The following FOXJ3 variants were observed in gnomAD, a reference collection of about 807,000 sequenced individuals.
The protein encoded by FOXJ3 is forkhead box J3.
In FOXJ3, 22 loss-of-function variants were observed where a neutral mutation model predicts 76.1. That is an observed-to-expected ratio of 0.29 (90% confidence interval 0.21 to 0.41). The LOEUF (loss-of-function observed/expected upper bound fraction) is 0.41, where lower values mean the gene tolerates loss of function less well. Among genes scored for constraint, FOXJ3 ranks in the 10% least tolerant of loss-of-function variants. FOXJ3 has a pLI of 1.00. For missense variants in FOXJ3, 613 were observed against 762.1 expected (o/e 0.80, Z 2.30); for synonymous variants, 269 against 261.2 (o/e 1.03, Z -0.29).
chr1:42,282,729 A>C (rs1652807938), intron 2 of FOXJ3, among the ~76,000 whole-genome samples: 1 of 152,132 alleles, frequency 6.6e-6, no homozygotes, highest in African/African-American at 2.4e-5. Context: ...CTTCTACTTC[A>C]AGACCAAACA....
chr1:42,235,029 C>G (rs1345299951), intron 4 of FOXJ3, among the ~76,000 whole-genome samples: 1 of 152,180 alleles, frequency 6.6e-6, no homozygotes, highest in Non-Finnish European at 1.5e-5. Context: ...GGCAGGCCTC[C>G]TTGAGCTGTG....
chr1:42,266,767 C>G lies in FOXJ3; in HGVS notation c.370-1578G>C, dbSNP rs540659203. The stretch of plus-strand genomic sequence containing the variant: ...CAGGCAGTGAGGAGACAAAGCCCAC[C>G]AACCTTCCATAGATTTTACAAAGCA... On this transcript the variant is annotated intron_variant, in intron 3 of 12. Coordinates refer to ENST00000361346, the MANE Select transcript of FOXJ3 (RefSeq NM_014947.5). Among the ~76,000 whole-genome samples, 6 of 152,176 alleles carry G rather than the reference C, an allele frequency of 3.9e-5. No individual in the cohort carries two copies. The East Asian group carries it at 1.2e-3, about 29-fold the overall frequency.
chr1:42,325,294 A>C (rs1655762847), intron 1 of FOXJ3, among the ~76,000 whole-genome samples: 1 of 152,228 alleles, frequency 6.6e-6, no homozygotes, highest in Admixed American at 6.5e-5. Context: ...ATAACTATGA[A>C]GCCATCAGCT....
chr1:42,256,046 T>A (rs1650564541), intron 4 of FOXJ3, among the ~76,000 whole-genome samples: 1 of 152,058 alleles, frequency 6.6e-6, no homozygotes, highest in South Asian at 2.1e-4. Context: ...AAGAAGAACA[T>A]TTCATAAAGA....
At chr1:42,295,535 T>C (rs1270761411) in intron 2 of FOXJ3, among the ~76,000 whole-genome samples, 1 of 144,242 alleles carries the variant, frequency 6.9e-6, no homozygotes, top group Non-Finnish European at 1.5e-5. Context: ...TTTTTTTTTT[T>C]TTTTTTTTGG....
intron 5 of FOXJ3, among the ~76,000 whole-genome samples, chr1:42,218,134 T>A (rs1369616054): frequency 2.0e-5 from 3 of 152,202 alleles, no homozygotes; most frequent in Non-Finnish European, 2.9e-5. Flanking sequence ...CTGTGCTCAC[T>A]TACACCCTTT....
At chr1:42,237,409 T>C (rs772478598) in intron 4 of FOXJ3, among the ~76,000 whole-genome samples, 429 of 19,584 alleles carry the variant, frequency 0.022, 4 homozygotes, top group African/African-American at 0.037. Context: ...TACATACATA[T>C]ATATATATAT....
chr1:42,205,931 G>A, intron 5 of FOXJ3, 68 bp from the exon 6 acceptor site: 1 of 843,078 alleles, frequency 1.2e-6, no homozygotes, highest in Non-Finnish European at 1.9e-6. Context: ...CAGTTTGAAG[G>A]GATCTCATCA....
chr1:42,240,916 A>G (rs661773), intron 4 of FOXJ3, among the ~76,000 whole-genome samples: 115,032 of 152,148 alleles, frequency 0.76, 43,559 homozygotes, highest in Admixed American at 0.81. Flanking sequence ...AACAGATCTG[A>G]TACTTGGCAC....
chr1:42,227,762 T>C, intron 5 of FOXJ3, 121 bp downstream of exon 5: 1 of 479,262 alleles, frequency 2.1e-6, no homozygotes, highest in Non-Finnish European at 3.7e-6. Flanking sequence ...TGTAAAATGC[T>C]ACACAAATAA....
chr1:42,311,081 C>T lies in FOXJ3; in HGVS notation c.13G>A (p.Gly5Arg), dbSNP rs1156295705. 2.5e-6 allele frequency: 4 copies of T among 1,596,980 alleles called. No homozygotes were observed. The highest frequency in any genetic ancestry group is 3.4e-6 in the Non-Finnish European group (4 of 1,174,634). ...GAAGTTACAGATGGACAAGCCTGTC[C>T]ATACAAACCCATCTGGCCACAAAGA... MGLY[G>R]QACPSVTSLR... Residue 5 changes from glycine to arginine, a missense_variant, in exon 2 of 13, where the codon GGA (glycine) becomes AGA (arginine). Gly to Arg is a moderately radical substitution (Grantham distance 125). This residue lies in a region of FOXJ3 where 77 missense variants were observed against 115.1 expected (regional missense o/e 0.67). Coordinates refer to ENST00000361346, the MANE Select transcript of FOXJ3 (RefSeq NM_014947.5).
chr1:42,251,254 A>C (rs908462537), intron 4 of FOXJ3, among the ~76,000 whole-genome samples: 1 of 152,208 alleles, frequency 6.6e-6, no homozygotes, highest in Non-Finnish European at 1.5e-5. Context: ...ATGACAGCTG[A>C]CTTTTCATAG....
At chr1:42,311,151 T>C in intron 1 of FOXJ3, 41 bp from the exon 2 acceptor site, 1 of 1,264,298 alleles carries the variant, frequency 7.9e-7, no homozygotes, top group Non-Finnish European at 1.1e-6. Context: ...TACTGCAAAG[T>C]AAATTAAACC....
chr1:42,295,224 C>CG (rs1653706582), intron 2 of FOXJ3, among the ~76,000 whole-genome samples: 1 of 152,126 alleles, frequency 6.6e-6, no homozygotes, highest in African/African-American at 2.4e-5. Flanking sequence ...ACCCTCCCCC[C>CG]GGTGGACTCT....
At chr1:42,320,374 T>C (rs1439710651) in intron 1 of FOXJ3, among the ~76,000 whole-genome samples, 2 of 152,196 alleles carry the variant, frequency 1.3e-5, no homozygotes. Context: ...GGGTCTGTCA[T>C]TAACTCACTA....
At chr1:42,256,655 A>T (rs1221138568) in intron 4 of FOXJ3, among the ~76,000 whole-genome samples, 5 of 152,284 alleles carry the variant, frequency 3.3e-5, no homozygotes, top group Middle Eastern at 3.4e-3. Flanking sequence ...TAGCACAACC[A>T]CTTTGGGAAA....
chr1:42,189,408 T>C lies in FOXJ3; in HGVS notation c.1352-4A>G, dbSNP rs139974640. Reference sequence around the variant, plus strand: ...GCATACCAATCATTTGAAACACCTATAAAATATTGACAACAGTGTAATTCC... The same window carrying C: ...GCATACCAATCATTTGAAACACCTACAAAATATTGACAACAGTGTAATTCC... On this transcript the variant is annotated splice_region_variant and splice_polypyrimidine_tract_variant and intron_variant, in intron 9 of 12. Coordinates refer to ENST00000361346, the MANE Select transcript of FOXJ3 (RefSeq NM_014947.5). 1.7e-5 allele frequency: 27 copies of C among 1,593,394 alleles called. No homozygotes were observed. The African/African-American group carries it at 3.1e-4, about 18-fold the overall frequency.
Position 42,179,296 on chromosome 1 carries a change from C to T in FOXJ3, c.*414G>A, listed in dbSNP as rs1475678986. The T allele has an allele frequency of 6.5e-6, 1 of 153,020 alleles. No individual in the cohort carries two copies. Among genetic ancestry groups the T allele is most frequent in the East Asian group, 1.9e-4 (1 of 5,208 alleles). 9.5% of individuals were successfully genotyped at this position (153,020 alleles called of 1,614,324 possible). A position where few individuals can be genotyped will look rare whatever the true frequency, so the allele number is the denominator to read the frequency against. On this transcript the variant is annotated 3_prime_UTR_variant, in exon 13 of 13. Coordinates refer to ENST00000361346, the MANE Select transcript of FOXJ3 (RefSeq NM_014947.5). The stretch of plus-strand genomic sequence containing the variant: ...TAAAAACTGACAATAACTTTCAAGA[C>T]ATAATAATCCAATTAGAAAAAACTG...
Position 42,247,104 on chromosome 1 carries a change from T to C in FOXJ3, c.444+18011A>G, listed in dbSNP as rs1270237976. ...AGAAGAAATAAGTTCCAAAGCAGGG[T>C]AGACTGGCTATAATTATCAACAATG... On this transcript the variant is annotated intron_variant, in intron 4 of 12. Transcript: ENST00000361346. Among the ~76,000 whole-genome samples the C allele has an allele frequency of 3.9e-5, 6 of 152,228 alleles. No homozygotes were observed. In the East Asian group the frequency reaches 1.2e-3, roughly 29 times the overall value.
Sources: allele counts gnomAD v4.1 joint callset (sites outside exome capture counted in the v4.1 genomes callset), GRCh38; gene constraint gnomAD v4.1.1; regional missense constraint gnomAD v4.1.1; transcripts MANE v1.5; gene names NCBI Gene and HGNC (gene_info 2026-07-23, HGNC 2026-07-21).